FCHO1: variants seen among roughly 807,000 people sequenced by gnomAD.
FCHO1 encodes FCH and mu domain containing endocytic adaptor 1.
FCHO1 carries 45 observed loss-of-function variants against 114.4 expected under a neutral mutation model. That is an observed-to-expected ratio of 0.39 (90% confidence interval 0.31 to 0.50). The LOEUF (loss-of-function observed/expected upper bound fraction) is 0.50, where lower values mean the gene tolerates loss of function less well. Ranked by LOEUF, FCHO1 falls within the 20% of genes least tolerant of loss-of-function variation. FCHO1 has a pLI of 0.77. For synonymous variants in FCHO1, 480 were observed against 488.9 expected (o/e 0.98, Z 0.24); for missense variants, 1,042 against 1,209.6 (o/e 0.86, Z 2.06).
Position 17,786,352 on chromosome 19 carries a change from CACA to C in FCHO1, c.2427-220_2427-218del, listed in dbSNP as rs1356595591. Among the ~76,000 whole-genome samples the C allele has an allele frequency of 3.2e-3, 427 of 133,376 alleles. 1 individual carries two copies. The highest frequency in any genetic ancestry group is 0.011 in the African/African-American group (406 of 35,648). The allele number at this position is 133,376 out of a possible 152,430, so 87.5% of individuals were successfully genotyped here. On this transcript the variant is annotated intron_variant, in intron 26 of 28. Coordinates refer to ENST00000596536, the MANE Select transcript of FCHO1 (RefSeq NM_015122.3). ...CATCTCAAAAAAACACACAAAAAAA[CACA>C]AAACAAACACACACACACACACACA...
Position 17,775,379 on chromosome 19 carries a change from G to A in FCHO1, c.946-77G>A, listed in dbSNP as rs1047355915. On this transcript the variant is annotated intron_variant, in intron 14 of 28. Transcript: ENST00000596536. The surrounding 1 kb of genome is among the most constrained non-coding windows in gnomAD (Gnocchi z 5.1). Reference sequence around the variant, plus strand: ...CTGAGTCAAGGCCTGGGGGCAGGGCGGGGGGCGGTTGGCAGGGTGAGATGG... The same window carrying A: ...CTGAGTCAAGGCCTGGGGGCAGGGCAGGGGGCGGTTGGCAGGGTGAGATGG... 8 of 1,417,882 alleles carry A rather than the reference G, an allele frequency of 5.6e-6. No individual in the cohort carries two copies. In the Admixed American group the frequency reaches 1.3e-4, roughly 24 times the overall value. 87.8% of individuals were successfully genotyped at this position (1,417,882 alleles called of 1,614,324 possible). A position where few individuals can be genotyped will look rare whatever the true frequency, so the allele number is the denominator to read the frequency against.
chr19:17,775,370 G>A lies in FCHO1; in HGVS notation c.946-86G>A. On this transcript the variant is annotated intron_variant, in intron 14 of 28. Transcript: ENST00000596536. This position sits in a 1 kb window ranked among gnomAD's most constrained non-coding sequence, Gnocchi z 5.1. ...TTTTGAGGTCTGAGTCAAGGCCTGG[G>A]GGCAGGGCGGGGGGCGGTTGGCAGG... 2.2e-6 allele frequency: 3 copies of A among 1,376,800 alleles called. No individual in the cohort carries two copies. Among genetic ancestry groups the A allele is most frequent in the East Asian group, 2.3e-5 (1 of 43,666 alleles). The allele number at this position is 1,376,800 out of a possible 1,614,324, so 85.3% of individuals were successfully genotyped here.
intron 19 of FCHO1, 75 bp downstream of exon 19, chr19:17,778,303 C>A: frequency 8.4e-7 from 1 of 1,185,668 alleles, no homozygotes. Context: ...AGAGTTAGGC[C>A]AATGAGGTCC....
In FCHO1 at chr19:17,772,684, G is replaced by C. The variant is rs746817599; in HGVS notation, c.733G>C (p.Val245Leu). 3 of 1,614,170 alleles carry C rather than the reference G, an allele frequency of 1.9e-6. No individual in the cohort carries two copies. In the African/African-American group the frequency reaches 4.0e-5, roughly 22 times the overall value. The change falls in exon 11 of 29, where the codon GTG becomes CTG. Residue 245 changes from valine (V) to leucine (L), a missense_variant. Val to Leu is a conservative substitution (Grantham distance 32, BLOSUM62 1). Transcript: ENST00000596536. The part of the protein sequence containing the change: ...EFKQNIENVS[V>L]EMLLRKFAES... Reference sequence around the variant, plus strand: ...TAAGCAGAACATCGAGAACGTCAGCGTGGAGATGCTACTCAGGAAGTTTGC... The same window carrying C: ...TAAGCAGAACATCGAGAACGTCAGCCTGGAGATGCTACTCAGGAAGTTTGC...
rs543802752 is a variant in FCHO1 at position 17,770,775 on chromosome 19, C to T, written c.490-17C>T. On this transcript the variant is annotated splice_polypyrimidine_tract_variant and intron_variant, in intron 8 of 28. Transcript: ENST00000596536. ...AGTATCGCCCTCCCATCCCCGTTTC[C>T]TCCCTGTGCTTTGTAGGCGGAGACT... 11 of 1,613,752 alleles carry T rather than the reference C, an allele frequency of 6.8e-6. No individual in the cohort carries two copies. The highest frequency in any genetic ancestry group is 6.6e-5 in the South Asian group (6 of 91,060).
chr19:17,759,470 G>A (rs539707481), intron 4 of FCHO1, among the ~76,000 whole-genome samples: 2 of 151,492 alleles, frequency 1.3e-5, no homozygotes, highest in African/African-American at 2.4e-5. Context: ...TGATTTGCCC[G>A]CCTCAGCCTC....
intron 20 of FCHO1, 52 bp downstream of exon 20, chr19:17,778,936 T>A: frequency 2.0e-6 from 3 of 1,469,554 alleles, no homozygotes; most frequent in Non-Finnish European, 2.7e-6. Context: ...GGGCGGGGGA[T>A]TGAGCGCCTG....
rs1056215799 is a variant in FCHO1, at chr19:17,778,640, C to T, written c.1383C>T (p.Pro461=). 5 of 1,577,146 alleles carry T rather than the reference C, an allele frequency of 3.2e-6. No homozygotes were observed. The highest frequency in any genetic ancestry group is 3.5e-5 in the Admixed American group (2 of 57,324). ...GCAGCCTGGGCTTCACCTCCAGCCC[C>T]TCCCCTTTCTCCTCCTCGTCGCCCG... is the stretch of plus-strand genomic sequence containing the variant. ...GSSSLGFTSS[P]SPFSSSSPEN... is the part of the protein sequence containing the mutation. The change falls in exon 20 of 29, where the codon CCC becomes CCT. Residue 461 remains proline (P), a synonymous_variant. Transcript: ENST00000596536.
chr19:17,780,697 G>A (rs1334486968), intron 20 of FCHO1, among the ~76,000 whole-genome samples: 1 of 152,092 alleles, frequency 6.6e-6, no homozygotes, highest in Non-Finnish European at 1.5e-5. Context: ...CGGGTAGAGC[G>A]GGGAGCACAG....
intron 7 of FCHO1, among the ~76,000 whole-genome samples, chr19:17,769,274 CAA>C (rs34490038): frequency 1.9e-4 from 10 of 51,812 alleles, no homozygotes; most frequent in African/African-American, 6.3e-4. Flanking sequence ...GACTCCGCCT[CAA>C]AAAAAAAAAA....
intron 19 of FCHO1, 89 bp downstream of exon 19, chr19:17,778,317 G>A: frequency 8.7e-7 from 1 of 1,152,848 alleles, no homozygotes; most frequent in East Asian, 2.3e-5. Context: ...GAGGTCCCCT[G>A]GAAGCCAGGC....
At chr19:17,772,888 C>T (rs377369709) in intron 11 of FCHO1, 147 bp downstream of exon 11, 2 of 617,728 alleles carry the variant, frequency 3.2e-6, no homozygotes, top group African/African-American at 3.7e-5. Context: ...GTCTCGAACT[C>T]TTGACCTCAG....
At chr19:17,762,905 C>G (rs1409582156) in intron 5 of FCHO1, 52 bp downstream of exon 5, 1 of 1,248,212 alleles carries the variant, frequency 8.0e-7, no homozygotes, top group Admixed American at 1.7e-5. Flanking sequence ...ATCCTGTAGT[C>G]ACGCCCACCT....
chr19:17,765,983 G>T (rs1457463964), intron 6 of FCHO1, among the ~76,000 whole-genome samples: 1 of 146,762 alleles, frequency 6.8e-6, no homozygotes, highest in Non-Finnish European at 1.5e-5. Context: ...CCGCCTCCTG[G>T]GTTCACGCCA....
At chr19:17,767,335 C>T (rs2089647085) in intron 7 of FCHO1, among the ~76,000 whole-genome samples, 2 of 149,142 alleles carry the variant, frequency 1.3e-5, no homozygotes, top group South Asian at 4.2e-4. Flanking sequence ...ATGGCTGGAG[C>T]CCAGGATCCT....
intron 7 of FCHO1, among the ~76,000 whole-genome samples, chr19:17,768,917 G>A (rs1753782167): frequency 6.6e-6 from 1 of 151,768 alleles, no homozygotes; most frequent in Non-Finnish European, 1.5e-5. Context: ...GCTGAGCTGA[G>A]GTGTGAGAAT....
In FCHO1 at chr19:17,787,800, G is replaced by A. The variant is rs150513718; in HGVS notation, c.2601G>A (p.Val867=). The change falls in exon 28 of 29, where the codon GTG becomes GTA. Residue 867 remains valine, a synonymous_variant. Transcript: ENST00000596536. ...TGTCGGGCGTGGACTTGGAACTGGT[G>A]GGCAGCGGTTACCGCATGTCGCTGG... ...TTLSGVDLEL[V]GSGYRMSLVK... is the part of the protein sequence containing the mutation. 3.4e-4 allele frequency: 551 copies of A among 1,613,282 alleles called. No individual in the cohort carries two copies. Among genetic ancestry groups the A allele is most frequent in the Non-Finnish European group, 4.6e-4 (542 of 1,179,870 alleles).
intron 4 of FCHO1, among the ~76,000 whole-genome samples, chr19:17,756,698 T>C (rs923912105): frequency 6.6e-6 from 1 of 152,160 alleles, no homozygotes; most frequent in African/African-American, 2.4e-5. Context: ...GGAGGCCTCC[T>C]GTGACATCTG....
intron 26 of FCHO1, among the ~76,000 whole-genome samples, chr19:17,786,140 C>T (rs2093868262): frequency 1.3e-5 from 2 of 152,022 alleles, no homozygotes; most frequent in Non-Finnish European, 2.9e-5. Flanking sequence ...TTGAGACCAG[C>T]CTGGCCAATA....
Sources: allele counts gnomAD v4.1 joint callset (sites outside exome capture counted in the v4.1 genomes callset), GRCh38; gene constraint gnomAD v4.1.1; non-coding constraint Gnocchi (gnomAD v3.1); transcripts MANE v1.5; gene names NCBI Gene and HGNC (gene_info 2026-07-23, HGNC 2026-07-21).